FRMPD3: variants seen among roughly 807,000 people sequenced by gnomAD.
The protein encoded by FRMPD3 is FERM and PDZ domain-containing protein 3.
Under a neutral mutation model 97.9 loss-of-function variants are expected in FRMPD3, and 42 were observed. That is an observed-to-expected ratio of 0.43 (90% CI 0.34 to 0.55). The LOEUF (loss-of-function observed/expected upper bound fraction) is 0.55, where lower values mean the gene tolerates loss of function less well. Among genes scored for constraint, FRMPD3 ranks in the 20% least tolerant of loss-of-function variants. FRMPD3 has a pLI of 0.03. For synonymous variants in FRMPD3, 577 were observed against 581.1 expected (o/e 0.99, Z 0.10); for missense variants, 1,303 against 1,457.7 (o/e 0.89, Z 1.73).
intron 8 of FRMPD3, among the ~76,000 whole-genome samples, chrX:107,559,002 AT>A (rs34486203): frequency 3.1e-3 from 283 of 92,196 alleles, no homozygotes; most frequent in South Asian, 0.013. Context: ...CACTATAGCA[AT>A]TTTTTTTTTT....
chrX:107,463,043 C>T (rs1931503490), intron 1 of FRMPD3, among the ~76,000 whole-genome samples: 1 of 112,071 alleles, frequency 8.9e-6, no homozygotes, highest in African/African-American at 3.2e-5. Flanking sequence ...GTTTGTGACC[C>T]CCAGCAACAT....
chrX:107,540,728 T>C (rs1310137960), intron 4 of FRMPD3, among the ~76,000 whole-genome samples: 2 of 111,939 alleles, frequency 1.8e-5, no homozygotes, highest in Non-Finnish European at 3.8e-5. Flanking sequence ...AGTGAAGAGC[T>C]CAAACATTCC....
At chrX:107,515,638 G>A (rs1453289242) in intron 1 of FRMPD3, among the ~76,000 whole-genome samples, 1 of 112,263 alleles carries the variant, frequency 8.9e-6, no homozygotes, top group Non-Finnish European at 1.9e-5. Flanking sequence ...AAGGGACCAG[G>A]AAAATGGGGC....
intron 4 of FRMPD3, among the ~76,000 whole-genome samples, chrX:107,537,783 TTATTTGCAGATTCCC>T (rs1316696827): frequency 1.8e-5 from 2 of 111,923 alleles, no homozygotes; most frequent in Non-Finnish European, 3.8e-5. Flanking sequence ...TCGATCCTCA[TTATTTGCAGATTCCC>T]TATTTGCAAA....
chrX:107,487,903 T>A (rs1230717847), intron 1 of FRMPD3, among the ~76,000 whole-genome samples: 2 of 111,222 alleles, frequency 1.8e-5, no homozygotes, highest in Non-Finnish European at 3.8e-5. Context: ...GGCTTAGGAG[T>A]GACAAAAGGA....
intron 2 of FRMPD3, 36 bp from the exon 3 acceptor site, chrX:107,530,372 AC>A (rs755175799): frequency 2.6e-5 from 28 of 1,086,157 alleles, no homozygotes; most frequent in Non-Finnish European, 3.5e-5. Flanking sequence ...CCCAGCAGTA[AC>A]CCTAAGCCCT....
At chrX:107,502,773 G>C (rs1383142123) in intron 1 of FRMPD3, among the ~76,000 whole-genome samples, 1 of 112,924 alleles carries the variant, frequency 8.9e-6, no homozygotes, top group African/African-American at 3.2e-5. Context: ...CTGGACTAGA[G>C]TGATATTTAA....
intron 4 of FRMPD3, among the ~76,000 whole-genome samples, chrX:107,535,360 GTTATATC>G (rs1923179092): frequency 9.0e-6 from 1 of 111,506 alleles, no homozygotes; most frequent in Non-Finnish European, 1.9e-5. Flanking sequence ...TCTCCCAGTG[GTTATATC>G]TTACATAACT....
intron 13 of FRMPD3, among the ~76,000 whole-genome samples, chrX:107,587,680 A>G (rs763795245): frequency 2.2e-4 from 25 of 111,993 alleles, no homozygotes; most frequent in Non-Finnish European, 3.9e-4. Flanking sequence ...GCTTGTCTGG[A>G]AAGTATTTTA....
In FRMPD3 at chrX:107,601,858, T is replaced by A. The variant is rs1333119489; in HGVS notation, c.3819T>A (p.Pro1273=). Reference sequence around the variant, plus strand: ...CCGAGTACCTGCAACCTCCAGCACCTGGCCGCTGCAGCTGCCAGCTCCGCA... The same window carrying A: ...CCGAGTACCTGCAACCTCCAGCACCAGGCCGCTGCAGCTGCCAGCTCCGCA... ...PGTEYLQPPA[P]GRCSCQLRSS... is the part of the protein sequence containing the mutation. Residue 1273 remains proline (P), a synonymous_variant, in exon 15 of 15, where the codon CCT becomes CCA. Transcript: ENST00000683843. 4.6e-5 allele frequency: 56 copies of A among 1,207,947 alleles called. No homozygotes were observed. Among genetic ancestry groups the A allele is most frequent in the Non-Finnish European group, 6.0e-5 (54 of 894,468 alleles).
intron 1 of FRMPD3, among the ~76,000 whole-genome samples, chrX:107,477,753 C>T (rs190001150): frequency 8.9e-6 from 1 of 112,144 alleles, no homozygotes; most frequent in East Asian, 2.8e-4. Context: ...GGGGGTTGCC[C>T]CCTGGAGAGG....
At chrX:107,515,778 T>C (rs1383191807) in intron 1 of FRMPD3, among the ~76,000 whole-genome samples, 1 of 111,029 alleles carries the variant, frequency 9.0e-6, no homozygotes, top group Non-Finnish European at 1.9e-5. Context: ...GGAAAGAGAA[T>C]GAATGCCCAA....
At chrX:107,598,619 C>G (rs1390040228) in intron 14 of FRMPD3, among the ~76,000 whole-genome samples, 2 of 112,469 alleles carry the variant, frequency 1.8e-5, no homozygotes, top group African/African-American at 6.5e-5. Context: ...GGCTCTGAAT[C>G]AGATGCACCG....
At chrX:107,546,627 A>T (rs995933257) in intron 5 of FRMPD3, among the ~76,000 whole-genome samples, 7 of 112,227 alleles carry the variant, frequency 6.2e-5, no homozygotes, top group Non-Finnish European at 1.1e-4. Flanking sequence ...GCAGGTGAAG[A>T]GCAGAAAAGA....
chrX:107,605,203 C>G lies in FRMPD3; in HGVS notation c.*1830C>G, dbSNP rs1487596736. On this transcript the variant is annotated 3_prime_UTR_variant, in exon 15 of 15. Transcript: ENST00000683843. ...AAATTATATATATACTAATTTATGT[C>G]TTGTTTTTCAAACAAGAATGATTAA... 2 of 110,655 alleles carry G rather than the reference C, an allele frequency of 1.8e-5. No homozygotes were observed. The highest frequency in any genetic ancestry group is 3.8e-5 in the Non-Finnish European group (2 of 52,932). 9.1% of individuals were successfully genotyped at this position (110,655 alleles called of 1,213,427 possible).
At chrX:107,509,992 A>C (rs1000604829) in intron 1 of FRMPD3, among the ~76,000 whole-genome samples, 1 of 111,474 alleles carries the variant, frequency 9.0e-6, no homozygotes, top group African/African-American at 3.3e-5. Context: ...CCTGATTCAC[A>C]GTAAGGGACT....
At chrX:107,554,991 C>T (rs980196632) in intron 8 of FRMPD3, 2 of 118,287 alleles carry the variant, frequency 1.7e-5, no homozygotes, top group African/African-American at 6.4e-5. Flanking sequence ...ATAAATATGA[C>T]AGCAGCAGGG....
chrX:107,564,649 C>G (rs1447511638), intron 11 of FRMPD3, among the ~76,000 whole-genome samples: 4 of 112,319 alleles, frequency 3.6e-5, no homozygotes, highest in Non-Finnish European at 5.6e-5. Context: ...TTTACTCAAC[C>G]TGCTGCTGAG....
chrX:107,456,031 G>A (rs1047566417), intron 1 of FRMPD3, among the ~76,000 whole-genome samples: 1 of 110,936 alleles, frequency 9.0e-6, no homozygotes, highest in Non-Finnish European at 1.9e-5. Context: ...ATAAGGCTAG[G>A]AAGATAGAGT....
Sources: gnomAD v4.1 joint callset for allele counts (sites outside exome capture counted in the v4.1 genomes callset) on GRCh38, gnomAD v4.1.1 for gene constraint, MANE v1.5 for transcripts, NCBI Gene and HGNC (gene_info 2026-07-23, HGNC 2026-07-21) for gene names.